KCNC4: variants seen among roughly 807,000 people sequenced by gnomAD.
The protein encoded by KCNC4 is potassium voltage-gated channel subfamily C member 4, also known as voltage-gated potassium channel KCNC4.
KCNC4 carries 23 observed loss-of-function variants against 42.8 expected under a neutral mutation model. The observed-to-expected ratio is 0.54, with a 90% CI of 0.39 to 0.76. The LOEUF (loss-of-function observed/expected upper bound fraction) is 0.76. Ranked by LOEUF, KCNC4 falls within the 30% of genes least tolerant of loss-of-function variation. The pLI, the probability that KCNC4 is intolerant of heterozygous loss-of-function variation, is 0.00. For missense variants in KCNC4, 751 were observed against 898.2 expected, an observed-to-expected ratio of 0.84 and a Z score of 2.10; for synonymous variants, 422 against 393.5, an observed-to-expected ratio of 1.07 and a Z score of -0.86.
chr1:110,216,809 G>T (rs1657818249), intron 1 of KCNC4, among the ~76,000 whole-genome samples: 1 of 152,176 alleles, frequency 6.6e-6, no homozygotes, highest in Non-Finnish European at 1.5e-5. Flanking sequence ...TTCAGGCTAA[G>T]GGGTGGTCAC....
intron 1 of KCNC4, among the ~76,000 whole-genome samples, chr1:110,255,737 T>G (rs1402171694): frequency 6.6e-6 from 1 of 152,184 alleles, no homozygotes; most frequent in Non-Finnish European, 1.5e-5. Flanking sequence ...AAGAAGCTTC[T>G]CAGATGGCCA....
chr1:110,261,228 A>C (rs1236390589), intron 1 of KCNC4, among the ~76,000 whole-genome samples: 1 of 152,248 alleles, frequency 6.6e-6, no homozygotes, highest in Non-Finnish European at 1.5e-5. Context: ...TAATTGCAAA[A>C]CACAAAAAGC....
At chr1:110,282,937 G>A (rs963219838) in intron 2 of KCNC4, 1 of 152,132 alleles carries the variant, frequency 6.6e-6, no homozygotes, top group African/African-American at 2.4e-5. Flanking sequence ...TGTTGCTATA[G>A]CAGAATACCC....
At chr1:110,222,847 C>A in intron 1 of KCNC4, 117 bp from the exon 2 acceptor site, 1 of 712,656 alleles carries the variant, frequency 1.4e-6, no homozygotes, top group Non-Finnish European at 2.4e-6. Context: ...TACGTTAATC[C>A]CACCTCTCAC....
downstream of KCNC4, among the ~76,000 whole-genome samples, chr1:110,254,094 G>T (rs974279085): frequency 1.5e-5 from 2 of 131,040 alleles, no homozygotes; most frequent in Admixed American, 7.3e-5. Flanking sequence ...AGAAGTCGGG[G>T]GGGGGGCGGC....
At position 110,215,759 on chromosome 1, in the gene KCNC4, T is replaced by C. The variant is rs148284398; in HGVS notation, c.678+3582T>C. On this transcript the variant is annotated intron_variant, in intron 1 of 3. Transcript: ENST00000438661. The stretch of plus-strand genomic sequence containing the variant: ...TCTGGCCTAGGTGAGGCAGATATTG[T>C]TAACATCTGTGTATCAGTATACAGA... Among the ~76,000 whole-genome samples, 351 of 152,316 alleles carry C rather than the reference T, an allele frequency of 2.3e-3. 1 individual carries two copies. Among genetic ancestry groups the C allele is most frequent in the Admixed American group, 4.2e-3 (64 of 15,304 alleles).
intron 1 of KCNC4, among the ~76,000 whole-genome samples, chr1:110,281,555 A>AAC (rs55839432): frequency 0.19 from 26,398 of 140,126 alleles, 2,455 homozygotes; most frequent in Non-Finnish European, 0.22. Flanking sequence ...CATATGTAAA[A>AAC]ACACACACAC....
At chr1:110,265,868 A>G (rs943102538) in intron 1 of KCNC4, among the ~76,000 whole-genome samples, 3 of 152,084 alleles carry the variant, frequency 2.0e-5, no homozygotes, top group Admixed American at 1.3e-4. Flanking sequence ...TGTTGCACCT[A>G]CCTTCCTACC....
intron 1 of KCNC4, among the ~76,000 whole-genome samples, chr1:110,270,863 G>C (rs960326577): frequency 1.3e-5 from 2 of 152,202 alleles, no homozygotes; most frequent in Non-Finnish European, 2.9e-5. Flanking sequence ...GACTGGCTCT[G>C]CGGTGGCCTC....
intron 1 of KCNC4, among the ~76,000 whole-genome samples, chr1:110,259,596 T>A (rs1659391799): frequency 6.6e-6 from 1 of 152,112 alleles, no homozygotes; most frequent in South Asian, 2.1e-4. Flanking sequence ...GAGGCTGCAT[T>A]TGGCCTCACC....
chr1:110,277,277 T>C (rs1659742907), intron 1 of KCNC4, among the ~76,000 whole-genome samples: 1 of 152,274 alleles, frequency 6.6e-6, no homozygotes, highest in African/African-American at 2.4e-5. Flanking sequence ...CTTGATGCCC[T>C]CATCAGGAAG....
intron 1 of KCNC4, among the ~76,000 whole-genome samples, chr1:110,212,879 C>T (rs1360891811): frequency 3.3e-5 from 5 of 152,164 alleles, no homozygotes; most frequent in African/African-American, 1.2e-4. Context: ...CACGAAGGGC[C>T]TAGCGTTCTA....
intron 1 of KCNC4, among the ~76,000 whole-genome samples, chr1:110,216,724 G>A (rs979767031): frequency 6.6e-6 from 1 of 152,166 alleles, no homozygotes; most frequent in Non-Finnish European, 1.5e-5. Context: ...GGGCACCAGA[G>A]CTCTGTGCAA....
chr1:110,248,769 A>C (rs555479905), exon 4 of KCNC4: 38 of 152,324 alleles, frequency 2.5e-4, no homozygotes, highest in African/African-American at 9.1e-4. Flanking sequence ...GCAGAGACTC[A>C]ATTATTAACA....
chr1:110,275,897 G>A (rs1477914314), intron 1 of KCNC4, among the ~76,000 whole-genome samples: 1 of 145,670 alleles, frequency 6.9e-6, no homozygotes, highest in African/African-American at 2.6e-5. Flanking sequence ...GGTGGAGGTT[G>A]CAGTGAGCTG....
chr1:110,232,000 G>C (rs779950912), intron 3 of KCNC4, among the ~76,000 whole-genome samples: 20 of 152,172 alleles, frequency 1.3e-4, no homozygotes, highest in Non-Finnish European at 2.8e-4. Context: ...TGCAGGGGTT[G>C]TCCCAGCGGG....
intron 3 of KCNC4, chr1:110,232,313 A>G (rs764813024): frequency 1.2e-6 from 2 of 1,612,864 alleles, no homozygotes; most frequent in Non-Finnish European, 1.7e-6. Flanking sequence ...ACATTGAGGA[A>G]GGGGGCTGGG....
At chr1:110,257,603 C>T (rs947936043) in intron 1 of KCNC4, among the ~76,000 whole-genome samples, 1 of 151,764 alleles carries the variant, frequency 6.6e-6, no homozygotes, top group African/African-American at 2.4e-5. Context: ...CGCCTGTAGT[C>T]CCAGCTACTC....
At chr1:110,215,794 A>G (rs1014082643) in intron 1 of KCNC4, among the ~76,000 whole-genome samples, 1 of 152,238 alleles carries the variant, frequency 6.6e-6, no homozygotes, top group Non-Finnish European at 1.5e-5. Context: ...ATAAGGAAAC[A>G]GGCCTGGTGG....
Sources: allele counts gnomAD v4.1 joint callset (sites outside exome capture counted in the v4.1 genomes callset), GRCh38; gene constraint gnomAD v4.1.1; transcripts MANE v1.5; gene names NCBI Gene and HGNC (gene_info 2026-07-23, HGNC 2026-07-21).